MROH1: variants seen among roughly 807,000 people sequenced by gnomAD.
MROH1 encodes maestro heat-like repeat-containing protein family member 1.
In MROH1, 117 loss-of-function variants were observed where a neutral mutation model predicts 116.5. The observed-to-expected ratio is 1.00, with a 90% confidence interval of 0.86 to 1.17. The LOEUF is 1.17. MROH1 is among the 50% of genes most tolerant of loss of function. The pLI is 0.00. For missense variants in MROH1, 1,873 were observed against 1,338.5 expected, an observed-to-expected ratio of 1.40 and a Z score of -6.23; for synonymous variants, 921 against 583.9, an observed-to-expected ratio of 1.58 and a Z score of -8.32.
At chr8:144,226,454 C>T (rs1481328751) in intron 14 of MROH1, among the ~76,000 whole-genome samples, 4 of 148,684 alleles carry the variant, frequency 2.7e-5, no homozygotes, top group Admixed American at 1.3e-4. Flanking sequence ...CATGGCTTTA[C>T]GTTGTTCTTT....
chr8:144,204,715 A>G (rs1406156236), intron 12 of MROH1, among the ~76,000 whole-genome samples: 1 of 152,210 alleles, frequency 6.6e-6, no homozygotes, highest in Non-Finnish European at 1.5e-5. Flanking sequence ...AAATTTATAC[A>G]TATAGTACAG....
Position 144,247,334 on chromosome 8 carries a change from A to G in MROH1, c.2905A>G (p.Ile969Val), listed in dbSNP as rs1564557436. 2 of 773,328 alleles carry G rather than the reference A, an allele frequency of 2.6e-6. No homozygotes were observed. The highest frequency in any genetic ancestry group is 4.8e-6 in the Non-Finnish European group (2 of 415,886). 47.9% of individuals were successfully genotyped at this position (773,328 alleles called of 1,614,324 possible). The change falls in exon 30 of 44, where the codon ATC (isoleucine) becomes GTC (valine). Residue 969 changes from isoleucine to valine, a missense_variant. Physicochemically the swap from Ile to Val is conservative, Grantham distance 29. Transcript: ENST00000326134. ...LVPFHNLGLLIGLFSPRCADL... is the reference protein window; with the variant it reads ...LVPFHNLGLLVGLFSPRCADL... ...GCCCTTCCACAACCTGGGCCTTCTC[A>G]TCGGCCTCTTCTCCCCACGGTGTGC...
intron 4 of MROH1, among the ~76,000 whole-genome samples, chr8:144,177,409 G>A (rs779298260): frequency 9.2e-5 from 14 of 152,196 alleles, no homozygotes; most frequent in Non-Finnish European, 2.1e-4. Context: ...ACAAAACCAA[G>A]ACTTTCACGA....
intron 12 of MROH1, among the ~76,000 whole-genome samples, chr8:144,212,312 T>C (rs1033321663): frequency 2.2e-4 from 34 of 152,068 alleles, no homozygotes; most frequent in Non-Finnish European, 7.3e-5. Flanking sequence ...CCTGGATTCC[T>C]GGGCTCAAGT....
intron 12 of MROH1, among the ~76,000 whole-genome samples, chr8:144,204,452 C>T (rs1428803349): frequency 6.6e-6 from 1 of 152,146 alleles, no homozygotes; most frequent in Non-Finnish European, 1.5e-5. Flanking sequence ...AAGTATAATA[C>T]ACATACAGAA....
At position 144,258,766 on chromosome 8, in the gene MROH1, C is replaced by T. The variant is rs1044175336; in HGVS notation, c.3792-11C>T. Reference sequence around the variant, plus strand: ...GTGCCCTACCAGCTGAGCACCCTGGCAATCCTGCAGCTCTGCAGTGGACAC... The same window carrying T: ...GTGCCCTACCAGCTGAGCACCCTGGTAATCCTGCAGCTCTGCAGTGGACAC... On this transcript the variant is annotated splice_polypyrimidine_tract_variant and intron_variant, in intron 35 of 43. Transcript: ENST00000326134. 5.2e-5 allele frequency: 40 copies of T among 764,058 alleles called. 3 individuals are homozygous for T. The highest frequency in any genetic ancestry group is 4.2e-4 in the Admixed American group (24 of 57,438). The allele number at this position is 764,058 out of a possible 1,614,324, so 47.3% of individuals were successfully genotyped here.
intron 14 of MROH1, among the ~76,000 whole-genome samples, chr8:144,230,680 C>T (rs1838687055): frequency 6.6e-6 from 1 of 151,612 alleles, no homozygotes; most frequent in African/African-American, 2.4e-5. Context: ...GTGTTCCCTC[C>T]TCTTTAATTT....
intron 10 of MROH1, among the ~76,000 whole-genome samples, chr8:144,197,880 C>G (rs1478077122): frequency 3.3e-5 from 5 of 150,210 alleles, no homozygotes; most frequent in African/African-American, 1.2e-4. Context: ...TAGAGACCAT[C>G]CAGACCAACA....
intron 14 of MROH1, among the ~76,000 whole-genome samples, chr8:144,235,512 C>T (rs1474517096): frequency 1.3e-5 from 2 of 151,970 alleles, no homozygotes; most frequent in Non-Finnish European, 2.9e-5. Context: ...GTCACAGGTA[C>T]CACCTTCTAG....
chr8:144,213,927 T>TA (rs1265818138), intron 12 of MROH1: 5 of 150,048 alleles, frequency 3.3e-5, no homozygotes, highest in African/African-American at 1.3e-4. Flanking sequence ...TTAGATGCCA[T>TA]GGGGTTTTTT....
intron 36 of MROH1, 134 bp downstream of exon 36, chr8:144,259,048 C>T (rs1844468846): frequency 1.5e-6 from 1 of 645,542 alleles, no homozygotes; most frequent in South Asian, 1.7e-5. Flanking sequence ...CCTGTTCACT[C>T]TCTGGGGCAG....
At chr8:144,171,124 G>A (rs572773462) in intron 4 of MROH1, among the ~76,000 whole-genome samples, 4 of 152,280 alleles carry the variant, frequency 2.6e-5, no homozygotes, top group Admixed American at 6.5e-5. Context: ...TGGAGGTCGC[G>A]TCAGATCTGG....
chr8:144,233,179 C>G, intron 14 of MROH1, among the ~76,000 whole-genome samples: 1 of 152,010 alleles, frequency 6.6e-6, no homozygotes, highest in East Asian at 1.9e-4. Context: ...ATATCATAAA[C>G]TTGACTGTCT....
intron 14 of MROH1, among the ~76,000 whole-genome samples, chr8:144,228,227 C>T (rs1421154482): frequency 2.0e-5 from 3 of 152,156 alleles, no homozygotes; most frequent in African/African-American, 2.4e-5. Flanking sequence ...AGAACGAGAA[C>T]CTCTCAAAAA....
At chr8:144,208,264 G>A (rs1192834116) in intron 12 of MROH1, among the ~76,000 whole-genome samples, 1 of 152,142 alleles carries the variant, frequency 6.6e-6, no homozygotes. Flanking sequence ...TTTTTATATG[G>A]ATGTCCAGTT....
chr8:144,164,820 A>T (rs1051792819), intron 3 of MROH1, among the ~76,000 whole-genome samples: 6 of 152,216 alleles, frequency 3.9e-5, no homozygotes, highest in Non-Finnish European at 8.8e-5. Flanking sequence ...TTAATGAATA[A>T]TAGAAATGTA....
chr8:144,251,422 C>G (rs984106921), intron 33 of MROH1: 6 of 152,196 alleles, frequency 3.9e-5, no homozygotes, highest in Non-Finnish European at 7.3e-5. Context: ...TTTTAAAAAT[C>G]TTCTTTCTTG....
intron 12 of MROH1, among the ~76,000 whole-genome samples, chr8:144,208,827 G>A (rs562556779): frequency 3.9e-5 from 6 of 152,004 alleles, no homozygotes; most frequent in Non-Finnish European, 5.9e-5. Context: ...GGGTTCAAGC[G>A]ATTCTCCTGC....
Position 144,223,162 on chromosome 8 carries a change from G to A in MROH1, c.1270G>A (p.Glu424Lys), listed in dbSNP as rs1564513627. ...ISAMAHHGYL[E>K]QPGGEAMIEY... is the part of the protein sequence containing the mutation. ...CGCCATGGCCCACCACGGCTACCTG[G>A]AGCAGCCTGGAGGTGAGGCGATGAT... Residue 424 changes from glutamate to lysine, a missense_variant, in exon 14 of 44, where the codon GAG becomes AAG. Coordinates refer to ENST00000326134, the MANE Select transcript of MROH1 (RefSeq NM_032450.3). 1.8e-5 allele frequency: 29 copies of A among 1,612,704 alleles called. No individual in the cohort carries two copies. The highest frequency in any genetic ancestry group is 2.3e-5 in the Non-Finnish European group (27 of 1,179,496).
Sources: gnomAD v4.1 joint callset for allele counts (sites outside exome capture counted in the v4.1 genomes callset) on GRCh38, gnomAD v4.1.1 for gene constraint, MANE v1.5 for transcripts, NCBI Gene and HGNC (gene_info 2026-07-23, HGNC 2026-07-21) for gene names.